C1QB: variants seen among roughly 807,000 people sequenced by gnomAD.
C1QB encodes the protein complement C1q B chain, also known as complement C1q subcomponent subunit B.
Under a neutral mutation model 4.6 loss-of-function variants are expected in C1QB, and 2 were observed. That is an observed-to-expected ratio of 0.43 (90% CI 0.18 to 1.36). The LOEUF is 1.36. Among genes scored for constraint, C1QB ranks in the 40% most tolerant of loss-of-function variants. The pLI, the probability that C1QB is intolerant of heterozygous loss-of-function variation, is 0.28. For synonymous variants in C1QB, 132 were observed against 137.1 expected (o/e 0.96, Z 0.26); for missense variants, 292 against 338.0 (o/e 0.86, Z 1.07).
At position 22,661,264 on chromosome 1, in the gene C1QB, C is replaced by T. The variant is rs1642618527; in HGVS notation, c.634C>T (p.Leu212Phe). 6.2e-7 allele frequency: 1 copy of T among 1,613,420 alleles called. No homozygotes were observed. Among genetic ancestry groups the T allele is most frequent in the South Asian group, 1.1e-5 (1 of 91,064 alleles). Residue 212 changes from leucine (L) to phenylalanine (F), a missense_variant, in exon 3 of 3, where the codon CTC becomes TTC. By Grantham distance (22) the Leu-to-Phe change is conservative (BLOSUM62 0). Transcript: ENST00000509305. ...CCAGGTCACCACCGGTGGCATGGTC[C>T]TCAAGCTGGAGCAGGGGGAGAACGT... Reference protein sequence around the residue: ...TFQVTTGGMVLKLEQGENVFL... With the variant: ...TFQVTTGGMVFKLEQGENVFL...
intron 1 of C1QB, among the ~76,000 whole-genome samples, chr1:22,655,669 G>C (rs1402769790): frequency 6.6e-6 from 1 of 152,150 alleles, no homozygotes; most frequent in Non-Finnish European, 1.5e-5. Context: ...ACTTCCCCAG[G>C]GTGTTGAGAG....
Position 22,659,342 on chromosome 1 carries a change from AGAGAGATG to A in C1QB, c.-23-95_-23-88del, listed in dbSNP as rs1479316064. On this transcript the variant is annotated intron_variant, in intron 1 of 2. Coordinates refer to ENST00000509305, the MANE Select transcript of C1QB (RefSeq NM_001378156.1). ...GATGGATGGATGCAGATGGAGGAAT[AGAGAGATG>A]GATGGATGGATGGATGGATGGATGG... 5.2e-6 allele frequency: 5 copies of A among 967,884 alleles called. No homozygotes were observed. The African/African-American group carries it at 8.5e-5, about 16-fold the overall frequency. The allele number at this position is 967,884 out of a possible 1,614,324, so 60.0% of individuals were successfully genotyped here.
At chr1:22,660,463 T>G (rs1201811452) in intron 2 of C1QB, among the ~76,000 whole-genome samples, 2 of 152,050 alleles carry the variant, frequency 1.3e-5, no homozygotes, top group Non-Finnish European at 2.9e-5. Context: ...CATGGTTGAT[T>G]AGGGATGTCT....
chr1:22,653,638 GC>G (rs796352230), intron 1 of C1QB, among the ~76,000 whole-genome samples: 2 of 152,134 alleles, frequency 1.3e-5, no homozygotes, highest in Admixed American at 6.5e-5. Flanking sequence ...TCTCAGCCCG[GC>G]CCCCCTACAG....
intron 1 of C1QB, among the ~76,000 whole-genome samples, chr1:22,656,495 G>A (rs1642532872): frequency 6.6e-6 from 1 of 152,138 alleles, no homozygotes; most frequent in African/African-American, 2.4e-5. Flanking sequence ...GCAACAGAGT[G>A]AGACCCCATC....
chr1:22,654,516 T>C (rs911484860), intron 1 of C1QB, among the ~76,000 whole-genome samples: 9 of 152,176 alleles, frequency 5.9e-5, no homozygotes, highest in African/African-American at 2.2e-4. Flanking sequence ...CACTCAGGAA[T>C]TCTTGGATGA....
In C1QB at chr1:22,659,502, C is replaced by T. The variant is rs909697564; in HGVS notation, c.40C>T (p.Leu14Phe). 6.2e-7 allele frequency: 1 copy of T among 1,613,928 alleles called. No homozygotes were observed. The highest frequency in any genetic ancestry group is 1.3e-5 in the African/African-American group (1 of 74,866). The change falls in exon 2 of 3, where the codon CTC (leucine) becomes TTC (phenylalanine). Residue 14 changes from leucine (L) to phenylalanine (F), a missense_variant. Transcript: ENST00000509305. ...PWGSIPVLMLLLLLGLIDISQ... is the reference protein window; with the variant it reads ...PWGSIPVLMLFLLLGLIDISQ... Reference sequence around the variant, plus strand: ...GGGCAGCATCCCAGTACTGATGTTGCTCCTGCTCCTGGGCCTAATCGATAT... The same window carrying T: ...GGGCAGCATCCCAGTACTGATGTTGTTCCTGCTCCTGGGCCTAATCGATAT...
At chr1:22,659,693 C>T (rs766866714) in intron 2 of C1QB, 50 bp downstream of exon 2, 1 of 1,558,216 alleles carries the variant, frequency 6.4e-7, no homozygotes. Flanking sequence ...AATTTCCCGT[C>T]TCCTGCCTCC....
intron 1 of C1QB, among the ~76,000 whole-genome samples, 199 bp from the exon 2 acceptor site, chr1:22,659,241 G>A (rs1642580014): frequency 6.7e-6 from 1 of 148,956 alleles, no homozygotes; most frequent in African/African-American, 2.5e-5. Flanking sequence ...CAGGGATGGA[G>A]GGATAGAGAG....
Position 22,661,301 on chromosome 1 carries a change from C to T in C1QB, c.671C>T (p.Ala224Val), listed in dbSNP as rs1642619229. 4 of 1,613,906 alleles carry T rather than the reference C, an allele frequency of 2.5e-6. No individual in the cohort carries two copies. In the South Asian group the frequency reaches 3.3e-5, roughly 13 times the overall value. ...CAGGGGGAGAACGTCTTCCTGCAGG[C>T]CACCGACAAGAACTCACTACTGGGC... is the stretch of plus-strand genomic sequence containing the variant. ...LEQGENVFLQ[A>V]TDKNSLLGME... Residue 224 changes from alanine to valine, a missense_variant, in exon 3 of 3, where the codon GCC becomes GTC. By Grantham distance (64) the Ala-to-Val change is moderately conservative (BLOSUM62 0). Transcript: ENST00000509305.
intron 2 of C1QB, among the ~76,000 whole-genome samples, chr1:22,659,909 A>G (rs1642595412): frequency 1.3e-5 from 2 of 152,168 alleles, no homozygotes; most frequent in Non-Finnish European, 1.5e-5. Flanking sequence ...TTACCATTAA[A>G]TTCAGGTGGA....
chr1:22,653,575 A>T (rs1251734576), intron 1 of C1QB, among the ~76,000 whole-genome samples: 1 of 152,174 alleles, frequency 6.6e-6, no homozygotes, highest in Non-Finnish European at 1.5e-5. Context: ...ACTTGAGCTG[A>T]GTCTGGCTCT....
Position 22,661,160 on chromosome 1 carries a change from A to T in C1QB, c.530A>T (p.Asn177Ile), listed in dbSNP as rs752712705. The change falls in exon 3 of 3, where the codon AAC becomes ATC. Residue 177 changes from asparagine to isoleucine, a missense_variant. Asn to Ile is a moderately radical substitution (Grantham distance 149, BLOSUM62 -3). Transcript: ENST00000509305. The stretch of plus-strand genomic sequence containing the variant: ...ACCTACCACGCCAGCTCTCGAGGGA[A>T]CCTGTGCGTGAACCTCATGCGTGGC... ...YFTYHASSRG[N>I]LCVNLMRGRE... 9 of 1,613,984 alleles carry T rather than the reference A, an allele frequency of 5.6e-6. No homozygotes were observed. The highest frequency in any genetic ancestry group is 6.8e-6 in the Non-Finnish European group (8 of 1,179,994).
intron 1 of C1QB, among the ~76,000 whole-genome samples, chr1:22,655,178 G>A (rs567280679): frequency 6.6e-6 from 1 of 152,332 alleles, no homozygotes; most frequent in East Asian, 1.9e-4. Context: ...ACTTATTAAA[G>A]TTGTTAAATT....
Position 22,659,519 on chromosome 1 carries a change from A to G in C1QB, c.57A>G (p.Leu19=). 6.2e-7 allele frequency: 1 copy of G among 1,614,002 alleles called. No individual in the cohort carries two copies. The change falls in exon 2 of 3, where the codon CTA becomes CTG. Residue 19 remains leucine (L), a synonymous_variant. Transcript: ENST00000509305. ...TGATGTTGCTCCTGCTCCTGGGCCTAATCGATATCTCCCAGGCCCAGCTCA... is the reference window on the plus strand; with the variant it reads ...TGATGTTGCTCCTGCTCCTGGGCCTGATCGATATCTCCCAGGCCCAGCTCA... ...PVLMLLLLLG[L]IDISQAQLSC... is the part of the protein sequence containing the mutation.
At position 22,661,625 on chromosome 1, in the gene C1QB, T is replaced by C. The variant is rs1019422602; in HGVS notation, c.*239T>C. ...GTTGGTTACATGAATGAATGAACCATGAATGAATGAAATCTCTGTCCGTGT... is the reference window on the plus strand; with the variant it reads ...GTTGGTTACATGAATGAATGAACCACGAATGAATGAAATCTCTGTCCGTGT... On this transcript the variant is annotated 3_prime_UTR_variant, in exon 3 of 3. Coordinates refer to ENST00000509305, the MANE Select transcript of C1QB (RefSeq NM_001378156.1). 13 of 571,226 alleles carry C rather than the reference T, an allele frequency of 2.3e-5. No individual in the cohort carries two copies. The East Asian group carries it at 2.8e-4, about 12-fold the overall frequency. 35.4% of individuals were successfully genotyped at this position (571,226 alleles called of 1,614,324 possible).
At position 22,660,948 on chromosome 1, in the gene C1QB, C is replaced by A. The variant is rs946701959; in HGVS notation, c.318C>A (p.Gly106=). Residue 106 remains glycine, a synonymous_variant, in exon 3 of 3, where the codon GGC becomes GGA. Coordinates refer to ENST00000509305, the MANE Select transcript of C1QB (RefSeq NM_001378156.1). ...KGGPGAPGAP[G]PKGESGDYKA... ...GCCCAGGGGCCCCTGGAGCCCCAGGCCCCAAAGGTGAATCGGGAGACTACA... is the reference window on the plus strand; with the variant it reads ...GCCCAGGGGCCCCTGGAGCCCCAGGACCCAAAGGTGAATCGGGAGACTACA... The A allele has an allele frequency of 5.0e-6, 8 of 1,613,934 alleles. No individual in the cohort carries two copies. Among genetic ancestry groups the A allele is most frequent in the Admixed American group, 1.7e-5 (1 of 60,024 alleles).
chr1:22,658,328 T>C (rs149777933), intron 1 of C1QB, among the ~76,000 whole-genome samples: 1 of 152,290 alleles, frequency 6.6e-6, no homozygotes, highest in African/African-American at 2.4e-5. Flanking sequence ...GGAACATTCT[T>C]GCCCCCACCT....
chr1:22,656,644 G>C (rs1642535186), intron 1 of C1QB, among the ~76,000 whole-genome samples: 1 of 152,120 alleles, frequency 6.6e-6, no homozygotes. Flanking sequence ...CAAATGTGGG[G>C]GGTTTCTCCC....
Sources: allele counts gnomAD v4.1 joint callset (sites outside exome capture counted in the v4.1 genomes callset), GRCh38; gene constraint gnomAD v4.1.1; transcripts MANE v1.5; gene names NCBI Gene and HGNC (gene_info 2026-07-23, HGNC 2026-07-21).